UNC5D: variants seen among roughly 807,000 people sequenced by gnomAD.
UNC5D encodes the protein unc-5 netrin receptor D, also known as netrin receptor UNC5D.
In UNC5D, 39 loss-of-function variants were observed where a neutral mutation model predicts 105.4. The observed-to-expected ratio is 0.37, with a 90% CI of 0.29 to 0.48. The LOEUF is 0.48. UNC5D is among the 20% of genes least tolerant of loss of function. The pLI, the probability that UNC5D is intolerant of heterozygous loss-of-function variation, is 0.98. For synonymous variants in UNC5D, 452 were observed against 450.4 expected (o/e 1.00, Z -0.04); for missense variants, 991 against 1,202.4 (o/e 0.82, Z 2.60).
rs542567224 is a variant in UNC5D at position 35,521,569 on chromosome 8, G to A, written c.104-27723G>A. 7.2e-5 allele frequency among the ~76,000 whole-genome samples: 11 copies of A among 152,208 alleles called. No homozygotes were observed. The South Asian group carries it at 2.1e-3, about 29-fold the overall frequency. ...ATAAATTAAAAACAAAAACAAAACA[G>A]GAGTCCTCAAAATGCTGAGGCCTCT... On this transcript the variant is annotated intron_variant, in intron 1 of 16. Coordinates refer to ENST00000404895, the MANE Select transcript of UNC5D (RefSeq NM_080872.4).
chr8:35,272,691 G>A (rs1346468626), intron 1 of UNC5D, among the ~76,000 whole-genome samples: 2 of 152,184 alleles, frequency 1.3e-5, no homozygotes, highest in African/African-American at 4.8e-5. Context: ...CAGGGGTGCT[G>A]TAGGACTCAG....
intron 2 of UNC5D, among the ~76,000 whole-genome samples, chr8:35,551,329 G>A (rs1382489878): frequency 6.6e-6 from 1 of 152,190 alleles, no homozygotes; most frequent in Non-Finnish European, 1.5e-5. Context: ...GGTATATAAT[G>A]AAGAGATGTA....
chr8:35,249,977 A>G (rs1285077496), intron 1 of UNC5D, among the ~76,000 whole-genome samples: 1 of 152,116 alleles, frequency 6.6e-6, no homozygotes, highest in African/African-American at 2.4e-5. Context: ...ATTTTCACCT[A>G]GGGTTAGGTG....
At chr8:35,726,103 CTG>C (rs1419530516) in intron 9 of UNC5D, 47 bp from the exon 10 acceptor site, 1 of 1,565,652 alleles carries the variant, frequency 6.4e-7, no homozygotes, top group Non-Finnish European at 8.7e-7. Flanking sequence ...ACAGGAGTAA[CTG>C]AGATGCCTTT....
At chr8:35,677,170 A>C (rs530657422) in intron 4 of UNC5D, among the ~76,000 whole-genome samples, 1 of 152,320 alleles carries the variant, frequency 6.6e-6, no homozygotes, top group East Asian at 1.9e-4. Context: ...TAAATTAAAG[A>C]CCACCATGAC....
At chr8:35,449,009 A>G (rs1469035176) in intron 1 of UNC5D, among the ~76,000 whole-genome samples, 1 of 152,100 alleles carries the variant, frequency 6.6e-6, no homozygotes, top group Non-Finnish European at 1.5e-5. Context: ...TGTTGTGCTT[A>G]TTGTTTTGGC....
intron 1 of UNC5D, among the ~76,000 whole-genome samples, chr8:35,346,211 A>G (rs1811797952): frequency 6.6e-6 from 1 of 151,972 alleles, no homozygotes; most frequent in Non-Finnish European, 1.5e-5. Flanking sequence ...GGACTGAGGA[A>G]GTCTGTGGAA....
intron 1 of UNC5D, among the ~76,000 whole-genome samples, chr8:35,478,485 C>T (rs1187897174): frequency 6.6e-6 from 1 of 152,162 alleles, no homozygotes; most frequent in Non-Finnish European, 1.5e-5. Flanking sequence ...TTTAGCTTTA[C>T]ATATCTATTC....
In UNC5D at chr8:35,568,085, C is replaced by T; in HGVS notation, c.323-13C>T. The T allele has an allele frequency of 6.2e-7, 1 of 1,613,494 alleles. No individual in the cohort carries two copies. The highest frequency in any genetic ancestry group is 8.5e-7 in the Non-Finnish European group (1 of 1,179,728). On this transcript the variant is annotated splice_polypyrimidine_tract_variant and intron_variant, in intron 2 of 16. Transcript: ENST00000404895. ...GCCTCAGCTGATTTGTCTCTTATCTCTCCCACCATCAGGTTTGAAGGTCCG... is the reference window on the plus strand; with the variant it reads ...GCCTCAGCTGATTTGTCTCTTATCTTTCCCACCATCAGGTTTGAAGGTCCG...
intron 2 of UNC5D, among the ~76,000 whole-genome samples, chr8:35,552,121 A>G (rs1398375270): frequency 6.6e-6 from 1 of 152,220 alleles, no homozygotes; most frequent in African/African-American, 2.4e-5. Context: ...AGAGAAAAAA[A>G]CAAAAGTGCC....
At chr8:35,287,427 G>A (rs74534682) in intron 1 of UNC5D, among the ~76,000 whole-genome samples, 3,625 of 152,076 alleles carry the variant, frequency 0.024, 150 homozygotes, top group African/African-American at 0.084. Flanking sequence ...AGAAATGGAA[G>A]AAACAAATAA....
intron 4 of UNC5D, among the ~76,000 whole-genome samples, chr8:35,642,970 A>G (rs758093407): frequency 4.6e-5 from 7 of 152,148 alleles, no homozygotes; most frequent in Non-Finnish European, 8.8e-5. Flanking sequence ...CCCACGGAGC[A>G]GGCTTAGAAA....
At chr8:35,273,305 T>A (rs539718764) in intron 1 of UNC5D, among the ~76,000 whole-genome samples, 1 of 152,370 alleles carries the variant, frequency 6.6e-6, no homozygotes, top group South Asian at 2.1e-4. Flanking sequence ...AATGCATGTA[T>A]CTTATCGTTC....
chr8:35,717,316 T>C (rs1305534909), intron 8 of UNC5D, among the ~76,000 whole-genome samples: 1 of 152,322 alleles, frequency 6.6e-6, no homozygotes, highest in East Asian at 1.9e-4. Context: ...GAGCATTGAG[T>C]TAAATTTCCA....
rs941164014 is a variant in UNC5D at position 35,608,196 on chromosome 8, T to C, written c.570+12539T>C. Among the ~76,000 whole-genome samples, 3 of 152,210 alleles carry C rather than the reference T, an allele frequency of 2.0e-5. 1 individual carries two copies. Among genetic ancestry groups the C allele is most frequent in the Non-Finnish European group, 4.4e-5 (3 of 68,032 alleles). On this transcript the variant is annotated intron_variant, in intron 4 of 16. Coordinates refer to ENST00000404895, the MANE Select transcript of UNC5D (RefSeq NM_080872.4). ...ATATCACTTTTTTATTTTAAAAATG[T>C]ATATGCTTTTTGGAATAAATTTCAG...
chr8:35,721,286 G>A (rs1828567645), intron 8 of UNC5D, among the ~76,000 whole-genome samples: 1 of 151,970 alleles, frequency 6.6e-6, no homozygotes, highest in African/African-American at 2.4e-5. Flanking sequence ...AATCTCGTGT[G>A]CTGTATTGCA....
chr8:35,573,132 A>AT (rs1817861052), intron 3 of UNC5D, among the ~76,000 whole-genome samples: 2 of 152,304 alleles, frequency 1.3e-5, no homozygotes, highest in African/African-American at 4.8e-5. Flanking sequence ...AACTCCCTGG[A>AT]TACCTACAGA....
At chr8:35,729,602 G>A (rs984013657) in intron 10 of UNC5D, among the ~76,000 whole-genome samples, 1 of 152,182 alleles carries the variant, frequency 6.6e-6, no homozygotes, top group Non-Finnish European at 1.5e-5. Flanking sequence ...ATGTATTTAG[G>A]TTGACTTCCG....
At chr8:35,414,116 T>C (rs1351220682) in intron 1 of UNC5D, among the ~76,000 whole-genome samples, 2 of 152,150 alleles carry the variant, frequency 1.3e-5, no homozygotes, top group Non-Finnish European at 2.9e-5. Context: ...TTAGTATTCA[T>C]TAATTCTACT....
Sources: gnomAD v4.1 joint callset for allele counts (sites outside exome capture counted in the v4.1 genomes callset) on GRCh38, gnomAD v4.1.1 for gene constraint, MANE v1.5 for transcripts, NCBI Gene and HGNC (gene_info 2026-07-23, HGNC 2026-07-21) for gene names.